MYH15: variants seen among roughly 807,000 people sequenced by gnomAD.
MYH15 encodes the protein myosin heavy chain 15.
In MYH15, 227 loss-of-function variants were observed where a neutral mutation model predicts 240.5. The observed-to-expected ratio is 0.94, with a 90% confidence interval of 0.85 to 1.05. MYH15 has a LOEUF of 1.05. Among genes scored for constraint, MYH15 ranks in the 50% least tolerant of loss-of-function variants. The pLI, the probability that MYH15 is intolerant of heterozygous loss-of-function variation, is 0.00. For synonymous variants in MYH15, 785 were observed against 796.7 expected, an observed-to-expected ratio of 0.99 and a Z score of 0.25; for missense variants, 2,217 against 2,247.5, an observed-to-expected ratio of 0.99 and a Z score of 0.27.
chr3:108,466,374 A>G (rs1267578283), intron 14 of MYH15, among the ~76,000 whole-genome samples: 1 of 152,164 alleles, frequency 6.6e-6, no homozygotes, highest in African/African-American at 2.4e-5. Context: ...AAATTTCCTG[A>G]AGGCAAAAAC....
At chr3:108,518,423 C>T (rs939714238) in intron 1 of MYH15, among the ~76,000 whole-genome samples, 3 of 152,088 alleles carry the variant, frequency 2.0e-5, no homozygotes, top group Non-Finnish European at 2.9e-5. Context: ...TTTCTGGGGG[C>T]GTATTGCTGT....
chr3:108,453,857 C>G lies in MYH15; in HGVS notation c.2399+149G>C. On this transcript the variant is annotated intron_variant, in intron 21 of 40. Coordinates refer to ENST00000693548, the MANE Select transcript of MYH15 (RefSeq NM_014981.3). ...CAATAAAAGCCCTTTGCACTCTGTCCTTTTGTTATCTCATGATTTAAAAAT... is the reference window on the plus strand; with the variant it reads ...CAATAAAAGCCCTTTGCACTCTGTCGTTTTGTTATCTCATGATTTAAAAAT... 4.2e-6 allele frequency: 3 copies of G among 715,294 alleles called. No homozygotes were observed. The East Asian group carries it at 7.9e-5, about 19-fold the overall frequency. The allele number at this position is 715,294 out of a possible 1,614,324, so 44.3% of individuals were successfully genotyped here. A position where few individuals can be genotyped will look rare whatever the true frequency, so the allele number is the denominator to read the frequency against.
intron 40 of MYH15, among the ~76,000 whole-genome samples, chr3:108,383,366 T>C (rs2082357419): frequency 1.3e-5 from 2 of 152,150 alleles, no homozygotes; most frequent in African/African-American, 2.4e-5. Flanking sequence ...AAGTAAGCAT[T>C]TGAAAAGTAT....
intron 22 of MYH15, among the ~76,000 whole-genome samples, chr3:108,441,622 A>AG (rs746581582): frequency 1.3e-5 from 2 of 152,230 alleles, no homozygotes; most frequent in Non-Finnish European, 2.9e-5. Context: ...ACAGAGTTTG[A>AG]GGTTGATAAC....
chr3:108,439,213 A>G lies in MYH15; in HGVS notation c.3075+524T>C, dbSNP rs1044876873. Among the ~76,000 whole-genome samples, 10 of 152,346 alleles carry G rather than the reference A, an allele frequency of 6.6e-5. No individual in the cohort carries two copies. In the South Asian group the frequency reaches 1.0e-3, roughly 16 times the overall value. On this transcript the variant is annotated intron_variant, in intron 24 of 40. Transcript: ENST00000693548. ...CTGGTGTGAAACAGCTTTATTTCAC[A>G]GGGCATTTAGAGGCAAAATAGGGGC...
At chr3:108,490,453 C>T (rs892787947) in intron 9 of MYH15, among the ~76,000 whole-genome samples, 14 of 152,216 alleles carry the variant, frequency 9.2e-5, no homozygotes, top group African/African-American at 2.7e-4. Flanking sequence ...TGCAATACCT[C>T]GGAAATCAAA....
intron 14 of MYH15, among the ~76,000 whole-genome samples, chr3:108,466,695 C>T (rs1480298577): frequency 6.6e-6 from 1 of 152,132 alleles, no homozygotes; most frequent in Admixed American, 6.5e-5. Context: ...TCTATTGTCA[C>T]GTCACCTATA....
At chr3:108,481,720 T>C (rs530422196) in intron 11 of MYH15, among the ~76,000 whole-genome samples, 2 of 152,196 alleles carry the variant, frequency 1.3e-5, no homozygotes, top group East Asian at 3.9e-4. Context: ...AAATGATAGA[T>C]TTCGCTACTA....
At chr3:108,549,285 A>T in the MYH15 span, among the ~76,000 whole-genome samples, 6 of 151,840 alleles carry the variant, frequency 4.0e-5, no homozygotes, top group East Asian at 1.2e-3. Context: ...TTTTAATATG[A>T]GGTACACAGT....
the MYH15 span, among the ~76,000 whole-genome samples, chr3:108,535,820 C>A: frequency 9.2e-5 from 14 of 152,262 alleles, no homozygotes; most frequent in African/African-American, 3.4e-4. Flanking sequence ...ACAAAACAAA[C>A]AAAAACCACA....
chr3:108,439,984 C>T, intron 23 of MYH15, 71 bp from the exon 24 acceptor site: 1 of 1,359,496 alleles, frequency 7.4e-7, no homozygotes, highest in Non-Finnish European at 9.8e-7. Context: ...AGGGTCATTT[C>T]TCTTCTGTCG....
chr3:108,517,027 G>A (rs2083578468), intron 1 of MYH15, among the ~76,000 whole-genome samples: 1 of 152,092 alleles, frequency 6.6e-6, no homozygotes, highest in South Asian at 2.1e-4. Flanking sequence ...GTGCTTTTCA[G>A]TCTCTAATCC....
At chr3:108,408,993 G>A (rs1250544565) in intron 31 of MYH15, among the ~76,000 whole-genome samples, 1 of 152,146 alleles carries the variant, frequency 6.6e-6, no homozygotes. Flanking sequence ...AGGGCATCCA[G>A]AAGTCACAAA....
intron 28 of MYH15, 149 bp downstream of exon 28, chr3:108,420,939 G>A (rs2082677426): frequency 9.1e-7 from 1 of 1,097,288 alleles, no homozygotes; most frequent in Non-Finnish European, 1.3e-6. Context: ...AGGCATGTGT[G>A]TGGCAAAGCT....
chr3:108,433,554 T>C (rs557674665), intron 25 of MYH15, among the ~76,000 whole-genome samples: 1 of 152,272 alleles, frequency 6.6e-6, no homozygotes, highest in South Asian at 2.1e-4. Context: ...TCATCTTGAA[T>C]TTCCAGGTGT....
At chr3:108,474,714 G>C (rs2083205882) in intron 12 of MYH15, among the ~76,000 whole-genome samples, 1 of 152,048 alleles carries the variant, frequency 6.6e-6, no homozygotes, top group Non-Finnish European at 1.5e-5. Context: ...TATAAACATA[G>C]CATGTCATGC....
chr3:108,440,962 T>C (rs182964401), intron 23 of MYH15, 56 bp downstream of exon 23: 11 of 1,602,264 alleles, frequency 6.9e-6, no homozygotes, highest in African/African-American at 1.3e-5. Context: ...AAAACCTGAT[T>C]TGAGAGTGGA....
chr3:108,491,029 G>A (rs1479915585), intron 9 of MYH15, among the ~76,000 whole-genome samples: 7 of 151,838 alleles, frequency 4.6e-5, no homozygotes, highest in South Asian at 4.2e-4. Flanking sequence ...CCAGAATTAC[G>A]AGCACCTGCC....
chr3:108,400,237 C>G (rs990868598), intron 33 of MYH15, among the ~76,000 whole-genome samples: 3 of 152,168 alleles, frequency 2.0e-5, no homozygotes, highest in South Asian at 2.1e-4. Flanking sequence ...ACCGACTCTT[C>G]ATCCTACCTC....
Sources: allele counts gnomAD v4.1 joint callset (sites outside exome capture counted in the v4.1 genomes callset), GRCh38; gene constraint gnomAD v4.1.1; transcripts MANE v1.5; gene names NCBI Gene and HGNC (gene_info 2026-07-23, HGNC 2026-07-21).